Variants in SLC24A2 observed in about 807,000 individuals in gnomAD.
The protein encoded by SLC24A2 is solute carrier family 24 member 2.
SLC24A2 carries 36 observed loss-of-function variants against 62.0 expected under a neutral mutation model. The observed-to-expected ratio is 0.58, with a 90% CI of 0.44 to 0.77. The LOEUF is 0.77. Among genes scored for constraint, SLC24A2 ranks in the 30% least tolerant of loss-of-function variants. SLC24A2 has a pLI of 0.00. For missense variants in SLC24A2, 846 were observed against 817.9 expected (o/e 1.03, Z -0.42); for synonymous variants, 358 against 294.0 (o/e 1.22, Z -2.23).
the SLC24A2 span, among the ~76,000 whole-genome samples, chr9:20,279,563 A>AT: frequency 3.9e-5 from 6 of 152,158 alleles, no homozygotes; most frequent in Admixed American, 2.6e-4. Flanking sequence ...AATAAAGGCT[A>AT]TTTTTTAAAA....
At chr9:20,034,759 C>T in the SLC24A2 span, among the ~76,000 whole-genome samples, 1 of 152,116 alleles carries the variant, frequency 6.6e-6, no homozygotes, top group Non-Finnish European at 1.5e-5. Flanking sequence ...TGAGCCACCG[C>T]GCCCGGCCTG....
intron 9 of SLC24A2, among the ~76,000 whole-genome samples, chr9:19,521,660 G>T (rs1049640279): frequency 1.3e-5 from 2 of 152,124 alleles, no homozygotes; most frequent in African/African-American, 2.4e-5. Flanking sequence ...CCAAGATCTG[G>T]CTCTGGTATG....
At chr9:19,906,471 T>A in the SLC24A2 span, among the ~76,000 whole-genome samples, 1 of 151,156 alleles carries the variant, frequency 6.6e-6, no homozygotes, top group East Asian at 1.9e-4. Context: ...AAGAAATAAC[T>A]AAGATCAGAG....
chr9:20,125,272 T>C, the SLC24A2 span, among the ~76,000 whole-genome samples: 1 of 152,166 alleles, frequency 6.6e-6, no homozygotes, highest in Admixed American at 6.6e-5. Context: ...TATTATGACC[T>C]GGATATATGT....
intron 8 of SLC24A2, among the ~76,000 whole-genome samples, chr9:19,535,555 T>G (rs777972516): frequency 6.6e-6 from 1 of 152,216 alleles, no homozygotes; most frequent in Non-Finnish European, 1.5e-5. Context: ...GGGTCCAGTT[T>G]AAGTTTTCTG....
chr9:19,538,292 G>T (rs1412849565), intron 8 of SLC24A2, among the ~76,000 whole-genome samples: 1 of 145,210 alleles, frequency 6.9e-6, no homozygotes, highest in Non-Finnish European at 1.5e-5. Context: ...AGTTTTCAAA[G>T]GGAATGCTTC....
At chr9:20,099,250 G>A in the SLC24A2 span, among the ~76,000 whole-genome samples, 2 of 152,202 alleles carry the variant, frequency 1.3e-5, no homozygotes, top group African/African-American at 4.8e-5. Context: ...TCTATCCAGA[G>A]ATAGGAGAAA....
chr9:20,239,300 A>G, the SLC24A2 span, among the ~76,000 whole-genome samples: 2 of 152,266 alleles, frequency 1.3e-5, no homozygotes, highest in African/African-American at 4.8e-5. Flanking sequence ...TGCATGGGAC[A>G]TTATAATAAA....
At chr9:19,908,357 T>C in the SLC24A2 span, among the ~76,000 whole-genome samples, 2 of 152,140 alleles carry the variant, frequency 1.3e-5, no homozygotes, top group East Asian at 1.9e-4. Context: ...AAGACTTAAA[T>C]GTTAGACCTA....
the SLC24A2 span, among the ~76,000 whole-genome samples, chr9:20,104,274 T>C: frequency 5.3e-5 from 8 of 152,372 alleles, no homozygotes; most frequent in African/African-American, 1.9e-4. Context: ...GAAAACACTC[T>C]GCTAGATATT....
At chr9:19,966,772 G>C in the SLC24A2 span, among the ~76,000 whole-genome samples, 2,264 of 152,264 alleles carry the variant, frequency 0.015, 63 homozygotes, top group African/African-American at 0.052. Context: ...AATTAACAGA[G>C]TAGTGGAATG....
chr9:19,795,400 G>C, the SLC24A2 span, among the ~76,000 whole-genome samples: 1 of 151,592 alleles, frequency 6.6e-6, no homozygotes, highest in African/African-American at 2.4e-5. Flanking sequence ...CTCTCTTTTT[G>C]CTCATCTCTC....
chr9:19,950,036 G>A, the SLC24A2 span, among the ~76,000 whole-genome samples: 120,917 of 152,144 alleles, frequency 0.79, 48,558 homozygotes, highest in Non-Finnish European at 0.86. Context: ...CAATTCATAT[G>A]CACATTGGAA....
chr9:20,016,926 T>C, the SLC24A2 span, among the ~76,000 whole-genome samples: 2 of 152,222 alleles, frequency 1.3e-5, no homozygotes, highest in Non-Finnish European at 2.9e-5. Flanking sequence ...CGAATATGCA[T>C]TTAAGGAAAC....
At chr9:20,014,211 G>A in the SLC24A2 span, among the ~76,000 whole-genome samples, 169 of 151,916 alleles carry the variant, frequency 1.1e-3, 2 homozygotes, top group South Asian at 0.023. Context: ...ATGTCTCAGC[G>A]GGGGAAAAAA....
chr9:19,579,147 G>T (rs954979554), intron 5 of SLC24A2, among the ~76,000 whole-genome samples: 1 of 152,132 alleles, frequency 6.6e-6, no homozygotes, highest in Non-Finnish European at 1.5e-5. Context: ...ATTTCCAAGG[G>T]AAACTCTGGG....
chr9:19,542,208 A>G (rs1834301848), intron 8 of SLC24A2, among the ~76,000 whole-genome samples: 1 of 152,118 alleles, frequency 6.6e-6, no homozygotes, highest in Non-Finnish European at 1.5e-5. Flanking sequence ...AGCTGTTCCT[A>G]TTCGGCCATC....
At chr9:19,532,715 G>A (rs1369790756) in intron 8 of SLC24A2, among the ~76,000 whole-genome samples, 2 of 152,150 alleles carry the variant, frequency 1.3e-5, no homozygotes, top group Non-Finnish European at 2.9e-5. Flanking sequence ...AAACCTCTGT[G>A]GGTGTCAATT....
Position 19,673,203 on chromosome 9 carries a change from T to C in SLC24A2, c.931-50904A>G, listed in dbSNP as rs975392258. Among the ~76,000 whole-genome samples, 5 of 146,592 alleles carry C rather than the reference T, an allele frequency of 3.4e-5. 1 individual carries two copies. Among genetic ancestry groups the C allele is most frequent in the African/African-American group, 1.3e-4 (5 of 37,140 alleles). On this transcript the variant is annotated intron_variant, in intron 2 of 10. Coordinates refer to ENST00000341998, the MANE Select transcript of SLC24A2 (RefSeq NM_020344.4). ...CTTAGGTCTAGTAGTAACAGTTTTA[T>C]AAATTTGGGAACTTCAGTGTTAGGT...
Sources: gnomAD v4.1 joint callset for allele counts (sites outside exome capture counted in the v4.1 genomes callset) on GRCh38, gnomAD v4.1.1 for gene constraint, MANE v1.5 for transcripts, NCBI Gene and HGNC (gene_info 2026-07-23, HGNC 2026-07-21) for gene names.